Variants in PCDHA6 observed in about 807,000 individuals in gnomAD.
PCDHA6 encodes protocadherin alpha-6.
Under a neutral mutation model 60.3 loss-of-function variants are expected in PCDHA6, and 55 were observed. The ratio of observed to expected loss-of-function variants is 0.91; its 90% confidence interval spans 0.73 to 1.14. The LOEUF is 1.14. Ranked by LOEUF, PCDHA6 falls within the 50% of genes most tolerant of loss-of-function variation. PCDHA6 has a pLI of 0.00. For missense variants in PCDHA6, 1,327 were observed against 1,256.5 expected (o/e 1.06, Z -0.85); for synonymous variants, 652 against 557.9 (o/e 1.17, Z -2.38).
At chr5:140,987,952 C>T (rs1176597775) in intron 3 of PCDHA6, among the ~76,000 whole-genome samples, 1 of 152,128 alleles carries the variant, frequency 6.6e-6, no homozygotes, top group African/African-American at 2.4e-5. Flanking sequence ...TCTGACAAAA[C>T]CAACTCCCCA....
In PCDHA6 at chr5:141,010,844, A is replaced by T. The variant is rs1286149629; in HGVS notation, c.*907A>T. ...TGTTTGTTGTTTCATAGATTTATTT[A>T]AAAAAAGAGAAAGTCTATAGCTATA... On this transcript the variant is annotated 3_prime_UTR_variant, in exon 4 of 4. Coordinates refer to ENST00000529310, the MANE Select transcript of PCDHA6 (RefSeq NM_018909.4). The T allele has an allele frequency of 1.3e-5, 2 of 153,756 alleles. No homozygotes were observed. The highest frequency in any genetic ancestry group is 2.9e-5 in the Non-Finnish European group (2 of 68,056). 9.5% of individuals were successfully genotyped at this position (153,756 alleles called of 1,614,324 possible).
chr5:141,000,393 C>CTATAAATATATA (rs1563650230), intron 3 of PCDHA6, among the ~76,000 whole-genome samples: 1 of 52,856 alleles, frequency 1.9e-5, no homozygotes, highest in African/African-American at 9.2e-5. Flanking sequence ...CTCTCTCTCT[C>CTATAAATATATA]TCTATATATA....
intron 1 of PCDHA6, among the ~76,000 whole-genome samples, chr5:140,946,184 C>T (rs2093899107): frequency 6.6e-6 from 1 of 151,990 alleles, no homozygotes; most frequent in African/African-American, 2.4e-5. Context: ...TGTGAATAGA[C>T]ATTTCTCAAA....
chr5:141,009,874 G>A lies in PCDHA6; in HGVS notation c.2790G>A (p.Lys930=), dbSNP rs1554262519. The A allele has an allele frequency of 6.2e-7, 1 of 1,613,836 alleles. No individual in the cohort carries two copies. Among genetic ancestry groups the A allele is most frequent in the African/African-American group, 1.3e-5 (1 of 74,824 alleles). ...CCAAGAAAAAGAAGAAAAAGAAGAA[G>A]GGTAACAAGACCCAGGAGAAAAAAG... ...EETKKKKKKK[K]GNKTQEKKEK... is the part of the protein sequence containing the mutation. Residue 930 remains lysine, a synonymous_variant, in exon 4 of 4, where the codon AAG becomes AAA. Transcript: ENST00000529310.
At chr5:140,834,957 C>T in intron 1 of PCDHA6, 2 of 1,532,930 alleles carry the variant, frequency 1.3e-6, no homozygotes, top group Non-Finnish European at 1.8e-6. Flanking sequence ...GGTAAAACCT[C>T]TTGGACTTGT....
intron 3 of PCDHA6, among the ~76,000 whole-genome samples, chr5:140,998,883 GAATA>G (rs782239555): frequency 6.6e-5 from 10 of 152,274 alleles, no homozygotes; most frequent in East Asian, 1.9e-4. Flanking sequence ...AAGTTTAGTT[GAATA>G]AATAACAATG....
chr5:140,862,614 C>G, intron 1 of PCDHA6: 1 of 523,252 alleles, frequency 1.9e-6, no homozygotes, highest in Non-Finnish European at 3.9e-6. Flanking sequence ...TGAAAGGTAA[C>G]AACCCGCGGG....
Position 140,926,391 on chromosome 5 carries a change from A to T in PCDHA6, c.2395-52558A>T, listed in dbSNP as rs76822698. On this transcript the variant is annotated intron_variant, in intron 1 of 3. Coordinates refer to ENST00000529310, the MANE Select transcript of PCDHA6 (RefSeq NM_018909.4). ...AGGAAGAGCCCAGCTGGGCTCAGCCACAGTTATCAGCAATCTGCGGGCAGA... is the reference window on the plus strand; with the variant it reads ...AGGAAGAGCCCAGCTGGGCTCAGCCTCAGTTATCAGCAATCTGCGGGCAGA... 1,228 of 152,462 alleles carry T rather than the reference A, an allele frequency of 8.1e-3. 5 individuals carry two copies. The highest frequency in any genetic ancestry group is 0.019 in the African/African-American group (792 of 41,554). The allele number at this position is 152,462 out of a possible 1,614,324, so 9.4% of individuals were successfully genotyped here.
At chr5:140,871,636 T>C in intron 1 of PCDHA6, 1 of 1,364,788 alleles carries the variant, frequency 7.3e-7, no homozygotes, top group Non-Finnish European at 9.8e-7. Flanking sequence ...TGTCTGTTCA[T>C]AAAATACCAA....
At chr5:140,868,461 GC>G (rs1399202356) in intron 1 of PCDHA6, 1 of 152,356 alleles carries the variant, frequency 6.6e-6, no homozygotes, top group African/African-American at 2.4e-5. Flanking sequence ...CTAAAGAGCT[GC>G]TTTTATAAAA....
intron 3 of PCDHA6, 79 bp downstream of exon 3, chr5:140,982,642 G>T: frequency 6.5e-7 from 1 of 1,529,982 alleles, no homozygotes; most frequent in Non-Finnish European, 8.8e-7. Flanking sequence ...GATCAGGAAT[G>T]TTGATGGCTC....
chr5:140,835,934 G>T, intron 1 of PCDHA6: 1 of 1,612,552 alleles, frequency 6.2e-7, no homozygotes, highest in South Asian at 1.1e-5. Context: ...GCGGCAAGGT[G>T]TACGCGCTGC....
intron 1 of PCDHA6, among the ~76,000 whole-genome samples, chr5:140,926,141 A>G (rs2082938262): frequency 6.6e-6 from 1 of 152,038 alleles, no homozygotes; most frequent in Non-Finnish European, 1.5e-5. Flanking sequence ...AGCAGGATCC[A>G]GCGCGGAAAG....
At chr5:140,923,630 G>T (rs1278599561) in intron 1 of PCDHA6, among the ~76,000 whole-genome samples, 1 of 152,106 alleles carries the variant, frequency 6.6e-6, no homozygotes, top group Admixed American at 6.5e-5. Flanking sequence ...TATCCAAAAG[G>T]CAAAAATCTT....
intron 1 of PCDHA6, chr5:140,875,832 C>A: frequency 1.2e-6 from 2 of 1,614,086 alleles, no homozygotes; most frequent in South Asian, 1.1e-5. Flanking sequence ...TCCATGTGGA[C>A]GTGGAGGTGA....
intron 1 of PCDHA6, chr5:140,883,107 C>T: frequency 6.2e-7 from 1 of 1,614,064 alleles, no homozygotes. Context: ...ATAGTTTACT[C>T]ATTTAGAAGG....
At chr5:140,913,288 T>C (rs1452332608) in intron 1 of PCDHA6, among the ~76,000 whole-genome samples, 1 of 152,172 alleles carries the variant, frequency 6.6e-6, no homozygotes, top group Non-Finnish European at 1.5e-5. Context: ...GTTTAGGTTT[T>C]AATTTCTTCA....
At chr5:140,848,091 A>C (rs1781318033) in intron 1 of PCDHA6, 1 of 168,880 alleles carries the variant, frequency 5.9e-6, no homozygotes, top group South Asian at 1.5e-4. Context: ...TTAAGTGGAG[A>C]GTTTTCTCAG....
At position 140,886,849 on chromosome 5, in the gene PCDHA6, A is replaced by G. The variant is rs541841964; in HGVS notation, c.2394+56364A>G. ...CTTGAAAAAAAAAAAAAAAAAAAAG[A>G]AAGGTCTTCCCAACTCCTATATTGA... On this transcript the variant is annotated intron_variant, in intron 1 of 3. Coordinates refer to ENST00000529310, the MANE Select transcript of PCDHA6 (RefSeq NM_018909.4). Among the ~76,000 whole-genome samples, 4 of 150,006 alleles carry G rather than the reference A, an allele frequency of 2.7e-5. No homozygotes were observed. The East Asian group carries it at 7.8e-4, about 29-fold the overall frequency.
Sources: allele counts gnomAD v4.1 joint callset (sites outside exome capture counted in the v4.1 genomes callset), GRCh38; gene constraint gnomAD v4.1.1; transcripts MANE v1.5; gene names NCBI Gene and HGNC (gene_info 2026-07-23, HGNC 2026-07-21).